Variants in NCAM1 observed in about 807,000 individuals in gnomAD.
NCAM1 encodes the protein neural cell adhesion molecule 1.
A neutral mutation model predicts 109.8 loss-of-function variants in NCAM1; 14 were observed. That is an observed-to-expected ratio of 0.13 (90% CI 0.08 to 0.20). The LOEUF (loss-of-function observed/expected upper bound fraction) is 0.20. Ranked by LOEUF, NCAM1 falls within the 10% of genes least tolerant of loss-of-function variation. The pLI, the probability that NCAM1 is intolerant of heterozygous loss-of-function variation, is 1.00. For synonymous variants in NCAM1, 418 were observed against 442.9 expected (o/e 0.94, Z 0.70); for missense variants, 774 against 1,109.9 (o/e 0.70, Z 4.30).
intron 1 of NCAM1, among the ~76,000 whole-genome samples, chr11:113,141,014 T>A (rs182555755): frequency 6.6e-6 from 1 of 152,362 alleles, no homozygotes; most frequent in East Asian, 1.9e-4. Flanking sequence ...GCTATCTTCC[T>A]GTTGTTCACT....
At chr11:113,224,918 C>G (rs1163062896) in intron 9 of NCAM1, among the ~76,000 whole-genome samples, 1 of 152,162 alleles carries the variant, frequency 6.6e-6, no homozygotes, top group Non-Finnish European at 1.5e-5. Flanking sequence ...ACATCCACAC[C>G]AAAACCCCAT....
At chr11:113,136,529 G>T (rs889213902) in intron 1 of NCAM1, among the ~76,000 whole-genome samples, 4 of 152,220 alleles carry the variant, frequency 2.6e-5, no homozygotes, top group African/African-American at 9.6e-5. Flanking sequence ...TGGGGTCTGG[G>T]TCAGGAAGAC....
chr11:113,164,291 G>A (rs1942705532), intron 1 of NCAM1, among the ~76,000 whole-genome samples: 1 of 152,142 alleles, frequency 6.6e-6, no homozygotes, highest in Admixed American at 6.5e-5. Context: ...CTTCACTTCT[G>A]ACATGAGATG....
chr11:113,178,127 C>A (rs782465077), intron 1 of NCAM1, among the ~76,000 whole-genome samples: 6 of 152,172 alleles, frequency 3.9e-5, no homozygotes, highest in Admixed American at 1.3e-4. Context: ...CCCAACATTA[C>A]AAATTTCCTA....
chr11:113,248,748 G>A (rs948506832), intron 15 of NCAM1, among the ~76,000 whole-genome samples: 12 of 152,206 alleles, frequency 7.9e-5, no homozygotes, highest in African/African-American at 1.4e-4. Flanking sequence ...TGCGTGAAGT[G>A]TGGCGACTCA....
chr11:113,193,940 C>T (rs1334527095), intron 1 of NCAM1, among the ~76,000 whole-genome samples: 1 of 152,154 alleles, frequency 6.6e-6, no homozygotes, highest in Non-Finnish European at 1.5e-5. Context: ...CCACTCACTT[C>T]TTTCTATAAA....
chr11:113,201,772 C>T (rs1429483454), intron 1 of NCAM1, among the ~76,000 whole-genome samples: 1 of 152,228 alleles, frequency 6.6e-6, no homozygotes. Context: ...GTGATGTTGG[C>T]TCCTGTTATG....
At chr11:113,087,764 G>A (rs1939153906) in intron 1 of NCAM1, among the ~76,000 whole-genome samples, 1 of 152,184 alleles carries the variant, frequency 6.6e-6, no homozygotes, top group South Asian at 2.1e-4. Flanking sequence ...GCATGAAAAT[G>A]TCTGTGCATT....
At chr11:113,115,665 G>C (rs1246914063) in intron 1 of NCAM1, among the ~76,000 whole-genome samples, 1 of 152,204 alleles carries the variant, frequency 6.6e-6, no homozygotes, top group Non-Finnish European at 1.5e-5. Context: ...ACAACAATGA[G>C]ATACCTGTTA....
rs1946387448 is a variant in NCAM1 at position 113,275,610 on chromosome 11, C to T, written c.*223C>T. On this transcript the variant is annotated 3_prime_UTR_variant, in exon 20 of 20. Transcript: ENST00000316851. ...TTATAGAAAGGGTCCCTTTGTTGCACACTCACTTGTAAGAAAATGAGACAA... is the reference window on the plus strand; with the variant it reads ...TTATAGAAAGGGTCCCTTTGTTGCATACTCACTTGTAAGAAAATGAGACAA... The T allele has an allele frequency of 4.2e-6, 2 of 481,442 alleles. No individual in the cohort carries two copies. Among genetic ancestry groups the T allele is most frequent in the East Asian group, 7.6e-5 (2 of 26,350 alleles). 29.8% of individuals were successfully genotyped at this position (481,442 alleles called of 1,614,324 possible).
intron 1 of NCAM1, among the ~76,000 whole-genome samples, chr11:113,128,051 A>G (rs1941246797): frequency 6.6e-6 from 1 of 152,164 alleles, no homozygotes; most frequent in Non-Finnish European, 1.5e-5. Context: ...CCCTCTGTCT[A>G]TAGTCTTGGC....
intron 1 of NCAM1, among the ~76,000 whole-genome samples, chr11:112,971,801 A>T (rs769883774): frequency 5.3e-5 from 8 of 152,168 alleles, no homozygotes; most frequent in Non-Finnish European, 1.2e-4. Flanking sequence ...TGGGAACCAG[A>T]GGGTGGTTAC....
intron 1 of NCAM1, among the ~76,000 whole-genome samples, chr11:113,151,788 C>G (rs781877210): frequency 1.3e-5 from 2 of 152,236 alleles, no homozygotes; most frequent in African/African-American, 4.8e-5. Context: ...TGTTACTCAT[C>G]GGTTATAGTG....
intron 1 of NCAM1, among the ~76,000 whole-genome samples, chr11:113,110,945 G>A (rs1940419146): frequency 6.6e-6 from 1 of 152,078 alleles, no homozygotes. Flanking sequence ...ATTTTACCAG[G>A]TCCCAGTGAC....
intron 1 of NCAM1, among the ~76,000 whole-genome samples, chr11:113,073,163 A>G (rs1211266944): frequency 1.2e-4 from 19 of 152,192 alleles, no homozygotes; most frequent in Admixed American, 9.8e-4. Context: ...GGGGTCATCT[A>G]TATGAACTTC....
chr11:113,125,386 A>G (rs1230239610), intron 1 of NCAM1, among the ~76,000 whole-genome samples: 3 of 152,370 alleles, frequency 2.0e-5, no homozygotes, highest in East Asian at 1.9e-4. Flanking sequence ...TATTTCATTT[A>G]TAAGAAAAAT....
chr11:113,243,064 A>T, intron 14 of NCAM1: 1 of 834,996 alleles, frequency 1.2e-6, no homozygotes, highest in Non-Finnish European at 1.4e-6. Flanking sequence ...GATTATTGGA[A>T]GAATACTCCG....
At chr11:113,260,860 A>C (rs1945972000) in intron 17 of NCAM1, among the ~76,000 whole-genome samples, 1 of 152,208 alleles carries the variant, frequency 6.6e-6, no homozygotes, top group African/African-American at 2.4e-5. Context: ...GATTAAATTG[A>C]ACCACTTGTA....
At chr11:113,221,867 G>C (rs1279577657) in intron 9 of NCAM1, 1 of 153,556 alleles carries the variant, frequency 6.5e-6, no homozygotes, top group Admixed American at 6.4e-5. Context: ...ACGTATCTCT[G>C]TTACTTTTAT....
Sources: gnomAD v4.1 joint callset for allele counts (sites outside exome capture counted in the v4.1 genomes callset) on GRCh38, gnomAD v4.1.1 for gene constraint, MANE v1.5 for transcripts, NCBI Gene and HGNC (gene_info 2026-07-23, HGNC 2026-07-21) for gene names.